PLCB4: variants seen among roughly 807,000 people sequenced by gnomAD.
PLCB4 encodes 1-phosphatidylinositol 4,5-bisphosphate phosphodiesterase beta-4.
Under a neutral mutation model 178.8 loss-of-function variants are expected in PLCB4, and 77 were observed. The observed-to-expected ratio is 0.43, with a 90% confidence interval of 0.36 to 0.52. The LOEUF (loss-of-function observed/expected upper bound fraction) is 0.52. Among genes scored for constraint, PLCB4 ranks in the 20% least tolerant of loss-of-function variants. The pLI, the probability that PLCB4 is intolerant of heterozygous loss-of-function variation, is 0.00. For missense variants in PLCB4, 1,024 were observed against 1,453.4 expected, an observed-to-expected ratio of 0.70 and a Z score of 4.80; for synonymous variants, 496 against 490.8, an observed-to-expected ratio of 1.01 and a Z score of -0.14.
chr20:9,389,301 A>C (rs1602307279), intron 15 of PLCB4, among the ~76,000 whole-genome samples: 1 of 152,150 alleles, frequency 6.6e-6, no homozygotes, highest in Admixed American at 6.5e-5. Flanking sequence ...ACCAACGAGA[A>C]CCCCTTCCCC....
intron 2 of PLCB4, among the ~76,000 whole-genome samples, chr20:9,171,413 C>T (rs2093061658): frequency 6.6e-6 from 1 of 152,166 alleles, no homozygotes; most frequent in African/African-American, 2.4e-5. Flanking sequence ...CACAAATATT[C>T]AGCAGCTGTC....
intron 19 of PLCB4, among the ~76,000 whole-genome samples, chr20:9,396,847 T>G (rs1420471301): frequency 1.3e-5 from 2 of 152,242 alleles, no homozygotes; most frequent in Admixed American, 6.5e-5. Flanking sequence ...AAATACCTAT[T>G]GCTTAAAAAT....
intron 2 of PLCB4, among the ~76,000 whole-genome samples, chr20:9,210,594 A>G (rs990922629): frequency 3.9e-5 from 6 of 152,196 alleles, no homozygotes; most frequent in Non-Finnish European, 7.3e-5. Context: ...AGTTGTCTGC[A>G]GCATTCTGTT....
chr20:9,268,359 A>C (rs1408304264), intron 3 of PLCB4, among the ~76,000 whole-genome samples: 1 of 152,124 alleles, frequency 6.6e-6, no homozygotes, highest in African/African-American at 2.4e-5. Context: ...TATTTCAGTC[A>C]TTGACAGCTC....
At chr20:9,369,588 A>G (rs1213531647) in intron 9 of PLCB4, among the ~76,000 whole-genome samples, 1 of 152,208 alleles carries the variant, frequency 6.6e-6, no homozygotes, top group Non-Finnish European at 1.5e-5. Flanking sequence ...AGGCCTCCTT[A>G]TATTTGAATA....
At chr20:9,137,543 A>G (rs933865633) in intron 2 of PLCB4, among the ~76,000 whole-genome samples, 3 of 152,092 alleles carry the variant, frequency 2.0e-5, no homozygotes, top group Non-Finnish European at 2.9e-5. Context: ...CCTTATTACC[A>G]TGTATGCAGT....
chr20:9,146,686 G>A (rs2092604219), intron 2 of PLCB4, among the ~76,000 whole-genome samples: 1 of 152,042 alleles, frequency 6.6e-6, no homozygotes, highest in South Asian at 2.1e-4. Context: ...CTCTTTACAT[G>A]GTATTTTGAC....
chr20:9,462,008 G>A (rs930353949), intron 35 of PLCB4, among the ~76,000 whole-genome samples: 1 of 152,098 alleles, frequency 6.6e-6, no homozygotes, highest in Non-Finnish European at 1.5e-5. Flanking sequence ...CCAAGCAGGG[G>A]CCGACAGACA....
intron 2 of PLCB4, among the ~76,000 whole-genome samples, chr20:9,097,818 A>C (rs2090976402): frequency 6.6e-6 from 1 of 152,162 alleles, no homozygotes; most frequent in Non-Finnish European, 1.5e-5. Flanking sequence ...AAAAGTGAAG[A>C]CTATGGTCCA....
At chr20:9,393,540 G>A in intron 17 of PLCB4, 48 bp from the exon 18 acceptor site, 1 of 1,269,086 alleles carries the variant, frequency 7.9e-7, no homozygotes, top group Non-Finnish European at 1.1e-6. Flanking sequence ...GAAGGAGAAT[G>A]GAGAAGCACA....
chr20:9,116,651 G>A (rs2091789919), intron 2 of PLCB4, among the ~76,000 whole-genome samples: 2 of 152,082 alleles, frequency 1.3e-5, no homozygotes, highest in South Asian at 4.1e-4. Flanking sequence ...TATGTGGTAG[G>A]TTGAAGTCTT....
At chr20:9,406,579 C>A (rs571992867) in intron 21 of PLCB4, among the ~76,000 whole-genome samples, 42 of 151,996 alleles carry the variant, frequency 2.8e-4, no homozygotes, top group African/African-American at 7.7e-4. Flanking sequence ...AGCTCTGCCC[C>A]CCGGGTTCAC....
At chr20:9,372,715 A>G (rs1416513874) in intron 11 of PLCB4, among the ~76,000 whole-genome samples, 1 of 152,130 alleles carries the variant, frequency 6.6e-6, no homozygotes, top group Non-Finnish European at 1.5e-5. Flanking sequence ...TGGAATGTTA[A>G]TATGTTTTTG....
At chr20:9,339,740 G>C (rs1010900485) in intron 7 of PLCB4, among the ~76,000 whole-genome samples, 3 of 152,070 alleles carry the variant, frequency 2.0e-5, no homozygotes, top group African/African-American at 7.2e-5. Flanking sequence ...ACCATACTGG[G>C]TGGGCAGTAC....
intron 24 of PLCB4, among the ~76,000 whole-genome samples, 154 bp from the exon 25 acceptor site, chr20:9,410,883 G>T (rs2148512517): frequency 6.6e-6 from 1 of 152,312 alleles, no homozygotes; most frequent in African/African-American, 2.4e-5. Context: ...ACATGGAAGA[G>T]AGTATGCCTT....
rs992408402 is a variant in PLCB4, at chr20:9,465,682, C to T, written c.3249-2889C>T. Among the ~76,000 whole-genome samples, 4 of 152,294 alleles carry T rather than the reference C, an allele frequency of 2.6e-5. No homozygotes were observed. In the South Asian group the frequency reaches 8.3e-4, roughly 32 times the overall value. ...CAAATCATGAGTGAGCTTCCATTTGCATTTGCTACAAAGAGAATAAAATAC... is the reference window on the plus strand; with the variant it reads ...CAAATCATGAGTGAGCTTCCATTTGTATTTGCTACAAAGAGAATAAAATAC... On this transcript the variant is annotated intron_variant, in intron 35 of 39. Coordinates refer to ENST00000378473, the MANE Select transcript of PLCB4 (RefSeq NM_001377142.1).
At chr20:9,136,450 A>G (rs1321803199) in intron 2 of PLCB4, among the ~76,000 whole-genome samples, 1 of 152,124 alleles carries the variant, frequency 6.6e-6, no homozygotes, top group Non-Finnish European at 1.5e-5. Flanking sequence ...CAGGAAAGGC[A>G]GGCAAGGAGC....
At chr20:9,296,912 G>T (rs1431333095) in intron 3 of PLCB4, among the ~76,000 whole-genome samples, 1 of 152,142 alleles carries the variant, frequency 6.6e-6, no homozygotes, top group Non-Finnish European at 1.5e-5. Flanking sequence ...AATGTTAAAT[G>T]ACAAGTTGAT....
chr20:9,156,677 G>A (rs1568856889), intron 2 of PLCB4, among the ~76,000 whole-genome samples: 1 of 152,052 alleles, frequency 6.6e-6, no homozygotes, highest in Non-Finnish European at 1.5e-5. Flanking sequence ...ATTTCTTTCA[G>A]GTACATTTGA....
Sources: allele counts gnomAD v4.1 joint callset (sites outside exome capture counted in the v4.1 genomes callset), GRCh38; gene constraint gnomAD v4.1.1; transcripts MANE v1.5; gene names NCBI Gene and HGNC (gene_info 2026-07-23, HGNC 2026-07-21).